Variants in ADAMTS6 observed in about 807,000 individuals in gnomAD.
The protein encoded by ADAMTS6 is A disintegrin and metalloproteinase with thrombospondin motifs 6.
In ADAMTS6, 23 loss-of-function variants were observed where a neutral mutation model predicts 144.3. That is an observed-to-expected ratio of 0.16 (90% CI 0.11 to 0.23). The LOEUF is 0.23. ADAMTS6 is among the 10% of genes least tolerant of loss of function. The pLI is 1.00. For synonymous variants in ADAMTS6, 444 were observed against 457.5 expected (o/e 0.97, Z 0.38); for missense variants, 999 against 1,379.6 (o/e 0.72, Z 4.37).
intron 20 of ADAMTS6, among the ~76,000 whole-genome samples, chr5:65,201,093 G>T (rs963054628): frequency 6.6e-6 from 1 of 152,122 alleles, no homozygotes; most frequent in Non-Finnish European, 1.5e-5. Flanking sequence ...TCAAGAAATG[G>T]CTTTAATGGC....
intron 3 of ADAMTS6, among the ~76,000 whole-genome samples, chr5:65,469,570 A>T (rs1259356948): frequency 6.6e-6 from 1 of 152,234 alleles, no homozygotes. Context: ...CTTATAGAGA[A>T]ACTAGTAATG....
intron 21 of ADAMTS6, among the ~76,000 whole-genome samples, chr5:65,195,695 G>C (rs1755299103): frequency 6.6e-6 from 1 of 152,178 alleles, no homozygotes; most frequent in Admixed American, 6.5e-5. Context: ...GTCATTTTTA[G>C]AGAAGCTTCA....
At chr5:65,356,123 C>T (rs1156444985) in intron 7 of ADAMTS6, among the ~76,000 whole-genome samples, 2 of 151,536 alleles carry the variant, frequency 1.3e-5, no homozygotes, top group African/African-American at 4.8e-5. Flanking sequence ...ATTTAAATGA[C>T]TAAAAAAATG....
At chr5:65,256,780 T>G (rs1760694128) in intron 14 of ADAMTS6, among the ~76,000 whole-genome samples, 1 of 151,956 alleles carries the variant, frequency 6.6e-6, no homozygotes, top group Admixed American at 6.6e-5. Context: ...ATGGAATGAG[T>G]TGGGAATTGA....
intron 7 of ADAMTS6, among the ~76,000 whole-genome samples, chr5:65,421,265 T>C (rs1298325679): frequency 2.6e-5 from 4 of 152,222 alleles, no homozygotes; most frequent in Non-Finnish European, 4.4e-5. Flanking sequence ...GATCTAATAG[T>C]GACAAATGCC....
chr5:65,477,789 C>G (rs1170051527), intron 1 of ADAMTS6, among the ~76,000 whole-genome samples: 1 of 148,948 alleles, frequency 6.7e-6, no homozygotes, highest in Admixed American at 6.7e-5. Context: ...GCCTCCAGTG[C>G]TCAGTGAAGA....
intron 14 of ADAMTS6, among the ~76,000 whole-genome samples, chr5:65,249,849 T>C (rs1268114543): frequency 6.6e-6 from 1 of 152,202 alleles, no homozygotes; most frequent in African/African-American, 2.4e-5. Context: ...ACCCTGCAAC[T>C]CTCCCTGAGG....
At chr5:65,380,041 C>T (rs1336453565) in intron 7 of ADAMTS6, among the ~76,000 whole-genome samples, 3 of 151,796 alleles carry the variant, frequency 2.0e-5, no homozygotes, top group South Asian at 2.1e-4. Flanking sequence ...CTCCATTTTC[C>T]GTGACAGCAT....
intron 24 of ADAMTS6, among the ~76,000 whole-genome samples, chr5:65,156,040 C>A (rs1363655510): frequency 6.6e-6 from 1 of 152,050 alleles, no homozygotes; most frequent in East Asian, 1.9e-4. Context: ...AGTTTTAAAG[C>A]CCCATTATTA....
At chr5:65,170,874 T>A (rs1196779303) in intron 23 of ADAMTS6, 101 bp from the exon 24 acceptor site, 1 of 1,288,812 alleles carries the variant, frequency 7.8e-7, no homozygotes, top group Non-Finnish European at 1.0e-6. Context: ...TATGAACTTT[T>A]TTTTTTTTCT....
intron 18 of ADAMTS6, among the ~76,000 whole-genome samples, chr5:65,217,520 T>C (rs1757017955): frequency 6.6e-6 from 1 of 152,018 alleles, no homozygotes; most frequent in Non-Finnish European, 1.5e-5. Flanking sequence ...GAAGATGAAG[T>C]GCATTATGAA....
At chr5:65,239,110 A>T (rs763394741) in intron 15 of ADAMTS6, among the ~76,000 whole-genome samples, 1 of 151,874 alleles carries the variant, frequency 6.6e-6, no homozygotes, top group Non-Finnish European at 1.5e-5. Context: ...CACACCGGAG[A>T]CTGTTGTGGG....
chr5:65,244,815 C>T (rs577512057), intron 14 of ADAMTS6, among the ~76,000 whole-genome samples: 1 of 152,222 alleles, frequency 6.6e-6, no homozygotes, highest in Admixed American at 6.6e-5. Flanking sequence ...ACAATAATAG[C>T]ATTACAGGTT....
At chr5:65,398,862 A>AAAAGAAAG (rs1753673253) in intron 7 of ADAMTS6, among the ~76,000 whole-genome samples, 1 of 151,320 alleles carries the variant, frequency 6.6e-6, no homozygotes, top group African/African-American at 2.4e-5. Flanking sequence ...AAGAAAGAGA[A>AAAAGAAAG]AGAAAGAAAG....
At chr5:65,268,160 C>T (rs951809156) in intron 12 of ADAMTS6, among the ~76,000 whole-genome samples, 2 of 152,172 alleles carry the variant, frequency 1.3e-5, no homozygotes, top group African/African-American at 4.8e-5. Context: ...TCTAATCCAG[C>T]CCTGTGTTTC....
chr5:65,461,540 G>C (rs901837603), intron 3 of ADAMTS6, among the ~76,000 whole-genome samples: 1 of 152,150 alleles, frequency 6.6e-6, no homozygotes, highest in Admixed American at 6.5e-5. Context: ...TGTGAGGACT[G>C]CTCTTAATCC....
chr5:65,289,782 A>C (rs1036455935), intron 11 of ADAMTS6, among the ~76,000 whole-genome samples: 1 of 152,188 alleles, frequency 6.6e-6, no homozygotes, highest in Non-Finnish European at 1.5e-5. Context: ...TTTCCAATAG[A>C]AAACAAAAAT....
chr5:65,256,985 C>A (rs937684151), intron 14 of ADAMTS6, among the ~76,000 whole-genome samples: 3 of 88,674 alleles, frequency 3.4e-5, no homozygotes, highest in South Asian at 3.9e-4. Context: ...CTCTCTCTCT[C>A]TTTTTTTTTT....
At chr5:65,329,841 A>G (rs548509107) in intron 8 of ADAMTS6, among the ~76,000 whole-genome samples, 98 of 152,276 alleles carry the variant, frequency 6.4e-4, no homozygotes, top group African/African-American at 2.3e-3. Context: ...ATATATCCAC[A>G]TTATTTTTCT....
Sources: allele counts gnomAD v4.1 joint callset (sites outside exome capture counted in the v4.1 genomes callset), GRCh38; gene constraint gnomAD v4.1.1; transcripts MANE v1.5; gene names NCBI Gene and HGNC (gene_info 2026-07-23, HGNC 2026-07-21).